KCNK10: variants seen among roughly 807,000 people sequenced by gnomAD.
KCNK10 encodes the protein potassium two pore domain channel subfamily K member 10, also known as potassium channel subfamily K member 10.
In KCNK10, 25 loss-of-function variants were observed where a neutral mutation model predicts 47.7. The observed-to-expected ratio is 0.52, with a 90% CI of 0.38 to 0.73. The LOEUF is 0.73. Among genes scored for constraint, KCNK10 ranks in the 30% least tolerant of loss-of-function variants. The probability of loss-of-function intolerance (pLI) is 0.00; values close to 1 mark genes in which losing one functional copy is unlikely to be tolerated. For synonymous variants in KCNK10, 303 were observed against 285.6 expected (o/e 1.06, Z -0.61); for missense variants, 563 against 714.5 (o/e 0.79, Z 2.42).
intron 1 of KCNK10, among the ~76,000 whole-genome samples, chr14:88,314,812 G>T (rs548216038): frequency 6.6e-6 from 1 of 152,340 alleles, no homozygotes; most frequent in East Asian, 1.9e-4. Context: ...TCTTCTAAGA[G>T]CTTTGCATGT....
intron 1 of KCNK10, among the ~76,000 whole-genome samples, chr14:88,310,239 A>ATCATATTG (rs1595133091): frequency 1.4e-5 from 2 of 147,094 alleles, no homozygotes; most frequent in Admixed American, 6.7e-5. Context: ...GATATACCAT[A>ATCATATTG]TAAATGATAT....
At chr14:88,219,627 T>C (rs1012250876) in intron 4 of KCNK10, among the ~76,000 whole-genome samples, 1 of 152,232 alleles carries the variant, frequency 6.6e-6, no homozygotes, top group East Asian at 1.9e-4. Flanking sequence ...TGAGACGTTA[T>C]CATTTGCTTA....
intron 4 of KCNK10, 90 bp from the exon 5 acceptor site, chr14:88,192,500 G>T: frequency 3.5e-6 from 4 of 1,127,492 alleles, no homozygotes; most frequent in South Asian, 1.5e-5. Context: ...CTGTGTCAGT[G>T]ACTTTTAACC....
Position 88,261,522 on chromosome 14 carries a change from G to A in KCNK10, c.402+1680C>T, listed in dbSNP as rs911890556. 1.3e-5 allele frequency among the ~76,000 whole-genome samples: 2 copies of A among 152,300 alleles called. 1 individual carries two copies. The highest frequency in any genetic ancestry group is 1.3e-4 in the Admixed American group (2 of 15,302). On this transcript the variant is annotated intron_variant, in intron 2 of 6. Transcript: ENST00000319231. The stretch of plus-strand genomic sequence containing the variant: ...AATCCCAGCACTTTAGGAGGCCAAG[G>A]CGGGTTGATTGCTTGAGCCTAGGAA...
At chr14:88,246,270 A>G (rs892314969) in intron 2 of KCNK10, among the ~76,000 whole-genome samples, 43 of 150,920 alleles carry the variant, frequency 2.8e-4, no homozygotes, top group African/African-American at 1.0e-3. Flanking sequence ...CTCAGAAAAA[A>G]AAAAAAAAAA....
At chr14:88,289,014 T>C (rs1409082900) in intron 1 of KCNK10, among the ~76,000 whole-genome samples, 1 of 152,120 alleles carries the variant, frequency 6.6e-6, no homozygotes, top group African/African-American at 2.4e-5. Context: ...TCCCTGTGTG[T>C]CTCCCTCATT....
intron 1 of KCNK10, among the ~76,000 whole-genome samples, chr14:88,292,865 G>A (rs1429622300): frequency 2.0e-5 from 3 of 151,808 alleles, no homozygotes; most frequent in Non-Finnish European, 2.9e-5. Flanking sequence ...CTCAAGCGAT[G>A]GCCTGCCTCG....
chr14:88,313,640 G>A (rs773334919), intron 1 of KCNK10, among the ~76,000 whole-genome samples: 1 of 152,052 alleles, frequency 6.6e-6, no homozygotes, highest in Non-Finnish European at 1.5e-5. Flanking sequence ...AGATCCTCCT[G>A]CCCCAGTCAA....
At chr14:88,248,857 C>T (rs2139900836) in intron 2 of KCNK10, among the ~76,000 whole-genome samples, 1 of 152,228 alleles carries the variant, frequency 6.6e-6, no homozygotes, top group East Asian at 1.9e-4. Flanking sequence ...CTAGAAACTT[C>T]AGGGAAAGTT....
At chr14:88,295,540 G>A (rs1355033627) in intron 1 of KCNK10, among the ~76,000 whole-genome samples, 7 of 152,156 alleles carry the variant, frequency 4.6e-5, no homozygotes, top group South Asian at 2.1e-4. Flanking sequence ...GGCACCTGTA[G>A]TCCCAGCTAC....
At chr14:88,281,393 T>A (rs1338383492) in intron 1 of KCNK10, among the ~76,000 whole-genome samples, 1 of 152,138 alleles carries the variant, frequency 6.6e-6, no homozygotes, top group East Asian at 1.9e-4. Context: ...TCTGATGGGA[T>A]TCATATTTAA....
At chr14:88,315,565 T>C (rs1255316470) in intron 1 of KCNK10, among the ~76,000 whole-genome samples, 1 of 152,194 alleles carries the variant, frequency 6.6e-6, no homozygotes, top group Non-Finnish European at 1.5e-5. Context: ...TCATGCTAAA[T>C]ATTTGGTGTG....
chr14:88,315,537 C>T (rs931969762), intron 1 of KCNK10, among the ~76,000 whole-genome samples: 3 of 152,030 alleles, frequency 2.0e-5, no homozygotes, highest in East Asian at 1.9e-4. Context: ...ATTTAGTAAG[C>T]TATACTATTT....
intron 1 of KCNK10, among the ~76,000 whole-genome samples, chr14:88,308,956 A>G (rs1449604428): frequency 1.3e-5 from 2 of 152,172 alleles, no homozygotes; most frequent in African/African-American, 4.8e-5. Flanking sequence ...GAACCTCTTT[A>G]CTTGTCAAAT....
intron 3 of KCNK10, among the ~76,000 whole-genome samples, chr14:88,232,254 CA>C (rs1032591352): frequency 1.6e-4 from 24 of 152,138 alleles, no homozygotes; most frequent in African/African-American, 5.6e-4. Context: ...TAGTAATATG[CA>C]AAAATGTCTG....
chr14:88,250,511 T>C lies in KCNK10; in HGVS notation c.403-9691A>G, dbSNP rs1257293151. On this transcript the variant is annotated intron_variant, in intron 2 of 6. Coordinates refer to ENST00000319231, the MANE Select transcript of KCNK10 (RefSeq NM_138317.3). ...TACCTAAACTTCCTGGACTAAAGAC[T>C]GCTTGAAATAGGGGATGGCCCAGGG... Among the ~76,000 whole-genome samples the C allele has an allele frequency of 2.0e-5, 3 of 152,162 alleles. No individual in the cohort carries two copies. In the East Asian group the frequency reaches 5.8e-4, roughly 29 times the overall value.
At chr14:88,274,989 C>T (rs1300273448) in intron 1 of KCNK10, among the ~76,000 whole-genome samples, 1 of 152,142 alleles carries the variant, frequency 6.6e-6, no homozygotes, top group Admixed American at 6.5e-5. Context: ...ACCCCTACCC[C>T]AAACCATTCC....
At chr14:88,196,848 T>C (rs1008569689) in intron 4 of KCNK10, among the ~76,000 whole-genome samples, 2 of 152,210 alleles carry the variant, frequency 1.3e-5, no homozygotes, top group Non-Finnish European at 2.9e-5. Flanking sequence ...TTATAACATG[T>C]TTTCTTCCAA....
intron 4 of KCNK10, among the ~76,000 whole-genome samples, chr14:88,205,295 A>G (rs570613151): frequency 6.6e-6 from 1 of 152,214 alleles, no homozygotes; most frequent in South Asian, 2.1e-4. Flanking sequence ...GCCCTTTTTA[A>G]TGCTTGTCAG....
Sources: gnomAD v4.1 joint callset for allele counts (sites outside exome capture counted in the v4.1 genomes callset) on GRCh38, gnomAD v4.1.1 for gene constraint, MANE v1.5 for transcripts, NCBI Gene and HGNC (gene_info 2026-07-23, HGNC 2026-07-21) for gene names.